The following ADGRV1 variants were observed in gnomAD, a reference collection of about 807,000 sequenced individuals.
ADGRV1 encodes the protein adhesion G protein-coupled receptor V1.
ADGRV1 carries 359 observed loss-of-function variants against 596.2 expected under a neutral mutation model. That is an observed-to-expected ratio of 0.60 (90% CI 0.55 to 0.66). The LOEUF is 0.66. Among genes scored for constraint, ADGRV1 ranks in the 30% least tolerant of loss-of-function variants. The probability of loss-of-function intolerance (pLI) is 0.00; values close to 1 mark genes in which losing one functional copy is unlikely to be tolerated. For synonymous variants in ADGRV1, 2,681 were observed against 2,679.2 expected, an observed-to-expected ratio of 1.00 and a Z score of -0.02; for missense variants, 7,274 against 7,575.6, an observed-to-expected ratio of 0.96 and a Z score of 1.48.
intron 21 of ADGRV1, 124 bp from the exon 22 acceptor site, chr5:90,672,422 C>T: frequency 1.6e-6 from 1 of 634,564 alleles, no homozygotes; most frequent in Non-Finnish European, 2.6e-6. Context: ...CCTCGTTAGT[C>T]CCTTTTAGAG....
At chr5:90,836,454 TA>T (rs761180181) in intron 77 of ADGRV1, among the ~76,000 whole-genome samples, 20 of 147,010 alleles carry the variant, frequency 1.4e-4, no homozygotes, top group South Asian at 2.2e-4. Context: ...TCATACTAAG[TA>T]AAAAAAAAAG....
At chr5:91,116,056 A>G (rs539387312) in intron 87 of ADGRV1, among the ~76,000 whole-genome samples, 2 of 152,328 alleles carry the variant, frequency 1.3e-5, no homozygotes, top group African/African-American at 4.8e-5. Context: ...GCCTTCTCAG[A>G]ATATGGATAG....
chr5:90,706,245 AC>A lies in ADGRV1; in HGVS notation c.8582del (p.Thr2861AsnfsTer9). ...TATTCAATTAGGAGCTATCAATGTCACATATACCACGGTTCCTGGAATGCTG... is the reference window on the plus strand; with the variant it reads ...TATTCAATTAGGAGCTATCAATGTCAATATACCACGGTTCCTGGAATGCTG... Reference protein sequence around the residue: ...EFGSLGAINVTYTTVPGMLSL... With the variant: ...EFGSLGAINVXYTTVPGMLSL... On this transcript the variant is annotated frameshift_variant, in exon 38 of 90. Coordinates refer to ENST00000405460, the MANE Select transcript of ADGRV1 (RefSeq NM_032119.4). LOFTEE classifies it high-confidence loss of function. 6.2e-7 allele frequency: 1 copy of A among 1,610,034 alleles called. No individual in the cohort carries two copies. Among genetic ancestry groups the A allele is most frequent in the Non-Finnish European group, 8.5e-7 (1 of 1,178,684 alleles).
chr5:91,137,355 T>C (rs571132960), intron 87 of ADGRV1, among the ~76,000 whole-genome samples: 8 of 152,294 alleles, frequency 5.3e-5, no homozygotes, highest in African/African-American at 1.9e-4. Context: ...GGAAAGTAAT[T>C]CGGGAGTGTG....
At chr5:90,770,796 C>A (rs1424469864) in intron 59 of ADGRV1, among the ~76,000 whole-genome samples, 1 of 152,142 alleles carries the variant, frequency 6.6e-6, no homozygotes, top group East Asian at 1.9e-4. Flanking sequence ...TCTTATATTC[C>A]TACTTCCCAG....
rs747104112 is a variant in ADGRV1 at position 90,672,690 on chromosome 5, A to T, written c.4897A>T (p.Thr1633Ser). 3 of 1,613,348 alleles carry T rather than the reference A, an allele frequency of 1.9e-6. No homozygotes were observed. The highest frequency in any genetic ancestry group is 2.5e-6 in the Non-Finnish European group (3 of 1,179,492). ...TGATGACTTTGCTAATGCCAGTGGAACTATTACATTCCTTCCTTGGCAGAG... is the reference window on the plus strand; with the variant it reads ...TGATGACTTTGCTAATGCCAGTGGATCTATTACATTCCTTCCTTGGCAGAG... ...LVDDFANASG[T>S]ITFLPWQRSE... Residue 1633 changes from threonine to serine, a missense_variant, in exon 22 of 90, where the codon ACT (threonine) becomes TCT (serine). Transcript: ENST00000405460.
intron 5 of ADGRV1, among the ~76,000 whole-genome samples, chr5:90,624,877 T>TTC (rs1554063769): frequency 7.2e-5 from 11 of 151,912 alleles, no homozygotes; most frequent in East Asian, 1.9e-4. Flanking sequence ...GTTTTTTTTT[T>TTC]CCCCTCAGGT....
intron 83 of ADGRV1, among the ~76,000 whole-genome samples, chr5:90,939,361 G>A (rs767317334): frequency 1.3e-5 from 2 of 152,160 alleles, no homozygotes; most frequent in Admixed American, 6.5e-5. Flanking sequence ...CTGCTGCTGT[G>A]ATTAATGAAT....
chr5:91,071,750 T>G (rs1369774221), intron 85 of ADGRV1, among the ~76,000 whole-genome samples: 2 of 151,990 alleles, frequency 1.3e-5, no homozygotes, highest in Non-Finnish European at 2.9e-5. Context: ...TCTTGGATCA[T>G]TGCAACCTCT....
chr5:90,801,944 A>G (rs1054238139), intron 70 of ADGRV1, among the ~76,000 whole-genome samples: 34 of 152,230 alleles, frequency 2.2e-4, no homozygotes, highest in Admixed American at 1.2e-3. Flanking sequence ...TATTTATCCA[A>G]CATAAATCAG....
Position 90,745,247 on chromosome 5 carries a change from A to T in ADGRV1, c.10751A>T (p.His3584Leu). ...HIYELAYISS[H>L]SDFIPSSGEL... is the part of the protein sequence containing the mutation. ...TATGAGCTAGCCTACATTTCCAGCCATTCTGACTTTATTCCTAGGTAGGTT... is the reference window on the plus strand; with the variant it reads ...TATGAGCTAGCCTACATTTCCAGCCTTTCTGACTTTATTCCTAGGTAGGTT... The change falls in exon 51 of 90, where the codon CAT (histidine) becomes CTT (leucine). Residue 3584 changes from histidine to leucine, a missense_variant. Coordinates refer to ENST00000405460, the MANE Select transcript of ADGRV1 (RefSeq NM_032119.4). 1 of 1,595,568 alleles carries T rather than the reference A, an allele frequency of 6.3e-7. No individual in the cohort carries two copies. Among genetic ancestry groups the T allele is most frequent in the Non-Finnish European group, 8.5e-7 (1 of 1,173,656 alleles).
intron 85 of ADGRV1, among the ~76,000 whole-genome samples, chr5:91,000,249 A>G (rs1451472084): frequency 1.3e-5 from 2 of 152,056 alleles, no homozygotes; most frequent in Non-Finnish European, 2.9e-5. Context: ...ATACCTCAGC[A>G]TTTTTTAATG....
chr5:91,150,009 CTTTTTTT>C lies in ADGRV1; in HGVS notation c.18433-11_18433-5del, dbSNP rs35858094. The C allele has an allele frequency of 2.3e-5, 29 of 1,288,818 alleles. No homozygotes were observed. The highest frequency in any genetic ancestry group is 3.4e-5 in the African/African-American group (2 of 58,802). The allele number at this position is 1,288,818 out of a possible 1,614,324, so 79.8% of individuals were successfully genotyped here. ...GTTCTTTTTCTTTTTCTTTTCTTTT[CTTTTTTT>C]TTTTTTTTTGCAGGGACTTTATGTT... On this transcript the variant is annotated splice_polypyrimidine_tract_variant and intron_variant, in intron 87 of 89. Coordinates refer to ENST00000405460, the MANE Select transcript of ADGRV1 (RefSeq NM_032119.4).
intron 85 of ADGRV1, among the ~76,000 whole-genome samples, chr5:91,070,492 T>A (rs1292968752): frequency 6.6e-6 from 1 of 152,190 alleles, no homozygotes; most frequent in Non-Finnish European, 1.5e-5. Flanking sequence ...CTTCTTACTA[T>A]TAAGGTTTCT....
At chr5:91,055,309 TAC>T (rs1377588265) in intron 85 of ADGRV1, among the ~76,000 whole-genome samples, 5 of 151,948 alleles carry the variant, frequency 3.3e-5, no homozygotes, top group Non-Finnish European at 7.4e-5. Context: ...GAAATATGAA[TAC>T]AGTTAAGTGT....
At chr5:91,061,688 C>T (rs575988248) in intron 85 of ADGRV1, among the ~76,000 whole-genome samples, 1 of 152,240 alleles carries the variant, frequency 6.6e-6, no homozygotes, top group South Asian at 2.1e-4. Flanking sequence ...CATATAAGTA[C>T]ATTTTAAGCA....
At chr5:90,900,630 C>G (rs930841018) in intron 83 of ADGRV1, among the ~76,000 whole-genome samples, 3 of 152,012 alleles carry the variant, frequency 2.0e-5, no homozygotes, top group African/African-American at 7.2e-5. Flanking sequence ...ATTTCTTTGC[C>G]GCAACTATAT....
At chr5:90,810,156 T>C (rs1762304473) in intron 73 of ADGRV1, 77 bp from the exon 74 acceptor site, 1 of 1,181,290 alleles carries the variant, frequency 8.5e-7, no homozygotes, top group Non-Finnish European at 1.2e-6. Flanking sequence ...ATTTTAAATA[T>C]GTGAATGATG....
intron 85 of ADGRV1, among the ~76,000 whole-genome samples, chr5:91,071,482 TGACC>T (rs1554214446): frequency 6.6e-6 from 1 of 152,074 alleles, no homozygotes; most frequent in Non-Finnish European, 1.5e-5. Flanking sequence ...TCCTATAGCA[TGACC>T]ATATGTCTGT....
Sources: gnomAD v4.1 joint callset for allele counts (sites outside exome capture counted in the v4.1 genomes callset) on GRCh38, gnomAD v4.1.1 for gene constraint, MANE v1.5 for transcripts, NCBI Gene and HGNC (gene_info 2026-07-23, HGNC 2026-07-21) for gene names.